Variants in PLCE1 observed in about 807,000 individuals in gnomAD.
The protein encoded by PLCE1 is 1-phosphatidylinositol 4,5-bisphosphate phosphodiesterase epsilon-1.
A neutral mutation model predicts 242.8 loss-of-function variants in PLCE1; 119 were observed. That is an observed-to-expected ratio of 0.49 (90% CI 0.42 to 0.57). PLCE1 has a LOEUF of 0.57. Among genes scored for constraint, PLCE1 ranks in the 20% least tolerant of loss-of-function variants. The pLI is 0.00. For missense variants in PLCE1, 2,441 were observed against 2,788.8 expected, an observed-to-expected ratio of 0.88 and a Z score of 2.81; for synonymous variants, 945 against 1,017.4, an observed-to-expected ratio of 0.93 and a Z score of 1.35.
At chr10:94,099,404 G>A (rs1297757805) in intron 2 of PLCE1, among the ~76,000 whole-genome samples, 1 of 152,152 alleles carries the variant, frequency 6.6e-6, no homozygotes, top group Non-Finnish European at 1.5e-5. Flanking sequence ...CTGTTTTACA[G>A]ATCACAAAAC....
intron 32 of PLCE1, chr10:94,325,428 T>C (rs769687072): frequency 1.1e-4 from 30 of 278,458 alleles, no homozygotes; most frequent in Non-Finnish European, 2.0e-4. Context: ...AAACCCCGTC[T>C]CTACTAAAAA....
intron 2 of PLCE1, among the ~76,000 whole-genome samples, chr10:94,090,420 T>C (rs1204255982): frequency 6.6e-6 from 1 of 152,178 alleles, no homozygotes; most frequent in Non-Finnish European, 1.5e-5. Context: ...CCCTGAGAGA[T>C]GGATAACAAC....
In PLCE1 at chr10:94,325,077, G is replaced by GTGAC; in HGVS notation, c.6908_*2dup. On this transcript the variant is annotated frameshift_variant and stop_retained_variant, in exon 32 of 33. Transcript: ENST00000371380. LOFTEE classifies it high-confidence loss of function. ...CCAGTGACACAATGGATTACCGACAGTGACTAAGGGCAGCATGTTTAACCC... is the reference window on the plus strand; with the variant it reads ...CCAGTGACACAATGGATTACCGACAGTGACTGACTAAGGGCAGCATGTTTAACCC... 1 of 1,613,960 alleles carries GTGAC rather than the reference G, an allele frequency of 6.2e-7. No homozygotes were observed. The highest frequency in any genetic ancestry group is 8.5e-7 in the Non-Finnish European group (1 of 1,179,818).
At chr10:94,064,270 G>A (rs1460895052) in intron 2 of PLCE1, among the ~76,000 whole-genome samples, 1 of 152,148 alleles carries the variant, frequency 6.6e-6, no homozygotes, top group African/African-American at 2.4e-5. Flanking sequence ...CGTGAGCTTT[G>A]TTCAGACGTG....
chr10:94,205,566 G>C (rs77580676), intron 4 of PLCE1, among the ~76,000 whole-genome samples: 2 of 152,210 alleles, frequency 1.3e-5, no homozygotes, highest in Non-Finnish European at 2.9e-5. Flanking sequence ...GGACCAGCTG[G>C]CAAGAGTCGG....
chr10:94,245,871 A>C (rs2050660931), intron 7 of PLCE1, 75 bp from the exon 8 acceptor site: 1 of 1,101,990 alleles, frequency 9.1e-7, no homozygotes, highest in Non-Finnish European at 1.4e-6. Flanking sequence ...AATAAAGCCC[A>C]GTGTCAGTGA....
At chr10:94,161,748 A>G (rs2047621772) in intron 3 of PLCE1, among the ~76,000 whole-genome samples, 1 of 152,146 alleles carries the variant, frequency 6.6e-6, no homozygotes. Context: ...TTCAAAGGGA[A>G]TGCTTCCAGT....
At chr10:94,082,814 T>G (rs1318214010) in intron 2 of PLCE1, among the ~76,000 whole-genome samples, 2 of 152,166 alleles carry the variant, frequency 1.3e-5, no homozygotes, top group Admixed American at 1.3e-4. Context: ...AATAAAATAA[T>G]TAGGAGTAAA....
At chr10:94,041,249 C>T (rs952411639) in intron 2 of PLCE1, among the ~76,000 whole-genome samples, 1 of 152,114 alleles carries the variant, frequency 6.6e-6, no homozygotes, top group Admixed American at 6.5e-5. Context: ...TGAAGAAGGG[C>T]GGTTTCCACC....
chr10:94,106,912 TTC>T (rs771182277), intron 2 of PLCE1, among the ~76,000 whole-genome samples: 620 of 38,736 alleles, frequency 0.016, 10 homozygotes, highest in African/African-American at 0.047. Context: ...TGTCTCTTGT[TTC>T]TCTCTCTCTC....
Position 94,246,003 on chromosome 10 carries a change from A to C in PLCE1, c.2478A>C (p.Glu826Asp). 1 of 1,614,138 alleles carries C rather than the reference A, an allele frequency of 6.2e-7. No homozygotes were observed. The highest frequency in any genetic ancestry group is 1.3e-5 in the African/African-American group (1 of 75,060). Reference protein sequence around the residue: ...SDNDIFEQSKEYDSHGSEDSQ... With the variant: ...SDNDIFEQSKDYDSHGSEDSQ... Reference sequence around the variant, plus strand: ...ATGACATCTTTGAGCAATCCAAAGAATACGACTCTCATGGTTCAGAGGACT... The same window carrying C: ...ATGACATCTTTGAGCAATCCAAAGACTACGACTCTCATGGTTCAGAGGACT... The change falls in exon 8 of 33, where the codon GAA becomes GAC. Residue 826 changes from glutamate to aspartate, a missense_variant. Around this residue, in one of 5 missense-constraint regions of PLCE1, gnomAD observed 733 missense variants for 754.2 expected, o/e 0.97. Coordinates refer to ENST00000371380, the MANE Select transcript of PLCE1 (RefSeq NM_016341.4).
chr10:94,031,273 C>A lies in PLCE1; in HGVS notation c.227C>A (p.Ala76Glu), dbSNP rs61749238. 6.2e-7 allele frequency: 1 copy of A among 1,613,686 alleles called. No homozygotes were observed. The highest frequency in any genetic ancestry group is 8.5e-7 in the Non-Finnish European group (1 of 1,179,838). The stretch of plus-strand genomic sequence containing the variant: ...AACTTGCCAAAGATTCTCTCAATAG[C>A]GAGGGAGAAAATAGTGAGTGATGAG... ...GSNLPKILSIAREKIVSDENS... is the reference protein window; with the variant it reads ...GSNLPKILSIEREKIVSDENS... Residue 76 changes from alanine to glutamate, a missense_variant, in exon 2 of 33, where the codon GCG (alanine) becomes GAG (glutamate). Physicochemically the swap from Ala to Glu is moderately radical, Grantham distance 107. This residue lies in a region of PLCE1 where 393 missense variants were observed against 378.5 expected (regional missense o/e 1.04). Transcript: ENST00000371380.
intron 4 of PLCE1, among the ~76,000 whole-genome samples, chr10:94,187,913 G>A (rs1328332102): frequency 7.2e-5 from 11 of 152,260 alleles, no homozygotes; most frequent in African/African-American, 2.6e-4. Context: ...CAGCCAAGAA[G>A]TTTGTTGACA....
chr10:94,250,957 C>T (rs991439021), intron 8 of PLCE1, among the ~76,000 whole-genome samples: 4 of 152,184 alleles, frequency 2.6e-5, no homozygotes, highest in African/African-American at 9.7e-5. Flanking sequence ...CAGCAGGCCT[C>T]CAGCAGATGG....
Position 94,014,626 on chromosome 10 carries a change from A to G in PLCE1, c.-364-16057A>G, listed in dbSNP as rs140546000. On this transcript the variant is annotated intron_variant, in intron 1 of 32. Transcript: ENST00000371380. ...TTTCATCATCCTAAGCTGAAACTCC[A>G]TACCCATTAAACAATAACTTCCTGC... is the stretch of plus-strand genomic sequence containing the variant. Among the ~76,000 whole-genome samples, 285 of 152,286 alleles carry G rather than the reference A, an allele frequency of 1.9e-3. 1 individual carries two copies. The highest frequency in any genetic ancestry group is 6.6e-3 in the African/African-American group (275 of 41,536).
intron 3 of PLCE1, among the ~76,000 whole-genome samples, chr10:94,140,120 AGT>A (rs1481806479): frequency 6.6e-6 from 1 of 152,110 alleles, no homozygotes. Flanking sequence ...AACCAGTCTG[AGT>A]GTGTGGTATG....
At chr10:94,039,363 G>C (rs773259468) in intron 2 of PLCE1, among the ~76,000 whole-genome samples, 10 of 151,046 alleles carry the variant, frequency 6.6e-5, no homozygotes, top group Non-Finnish European at 7.4e-5. Flanking sequence ...AATGCAAAAG[G>C]GTTCTAGTTT....
In PLCE1 at chr10:93,994,244, G is replaced by T. The variant is rs149224032; in HGVS notation, c.-379G>T. Among the ~76,000 whole-genome samples the T allele has an allele frequency of 6.6e-5, 10 of 152,342 alleles. No homozygotes were observed. The highest frequency in any genetic ancestry group is 2.2e-4 in the African/African-American group (9 of 41,592). Reference sequence around the variant, plus strand: ...GCGCTTGGGGACGCCGGCGAGACTCGCCAGGAGCCAAGAGGTGAGGAAGCG... The same window carrying T: ...GCGCTTGGGGACGCCGGCGAGACTCTCCAGGAGCCAAGAGGTGAGGAAGCG... On this transcript the variant is annotated 5_prime_UTR_variant, in exon 1 of 33. Coordinates refer to ENST00000371380, the MANE Select transcript of PLCE1 (RefSeq NM_016341.4).
intron 18 of PLCE1, among the ~76,000 whole-genome samples, chr10:94,271,472 G>A (rs1404195584): frequency 4.0e-5 from 6 of 151,642 alleles, no homozygotes; most frequent in East Asian, 1.9e-4. Flanking sequence ...CCACCACCAC[G>A]TCTGGCTAAT....
Sources: allele counts gnomAD v4.1 joint callset (sites outside exome capture counted in the v4.1 genomes callset), GRCh38; gene constraint gnomAD v4.1.1; regional missense constraint gnomAD v4.1.1; transcripts MANE v1.5; gene names NCBI Gene and HGNC (gene_info 2026-07-23, HGNC 2026-07-21).